The following TRIM14 variants were observed in gnomAD, a reference collection of about 807,000 sequenced individuals.
TRIM14 encodes tripartite motif-containing protein 14.
TRIM14 carries 28 observed loss-of-function variants against 44.5 expected under a neutral mutation model. That is an observed-to-expected ratio of 0.63 (90% CI 0.47 to 0.86). The LOEUF (loss-of-function observed/expected upper bound fraction) is 0.86. Ranked by LOEUF, TRIM14 falls within the 40% of genes least tolerant of loss-of-function variation. TRIM14 has a pLI of 0.00. For synonymous variants in TRIM14, 299 were observed against 269.2 expected, an observed-to-expected ratio of 1.11 and a Z score of -1.08; for missense variants, 607 against 611.1, an observed-to-expected ratio of 0.99 and a Z score of 0.07.
the TRIM14 span, among the ~76,000 whole-genome samples, chr9:98,054,207 T>G: frequency 6.6e-6 from 1 of 152,138 alleles, no homozygotes; most frequent in Non-Finnish European, 1.5e-5. Context: ...CTGCTGGACT[T>G]GCATCAGAAA....
At chr9:98,082,806 C>T (rs1379452602), downstream of TRIM14, 11 of 1,596,182 alleles carry the variant, frequency 6.9e-6, no homozygotes, top group African/African-American at 1.2e-4. Context: ...GCACTAGTTA[C>T]TTCTGTGAAG....
the TRIM14 span, among the ~76,000 whole-genome samples, chr9:98,046,591 G>A: frequency 1.4e-4 from 22 of 151,912 alleles, no homozygotes; most frequent in Non-Finnish European, 4.4e-5. Flanking sequence ...ACAGGCATGC[G>A]CCACCACACT....
chr9:98,060,973 C>T, the TRIM14 span: 1 of 1,613,934 alleles, frequency 6.2e-7, no homozygotes, highest in South Asian at 1.1e-5. Flanking sequence ...TTGGGATCTT[C>T]TTCACTGCCT....
chr9:98,049,851 C>T, the TRIM14 span, among the ~76,000 whole-genome samples: 1 of 152,288 alleles, frequency 6.6e-6, no homozygotes, highest in Admixed American at 6.5e-5. Flanking sequence ...TGGAGTCACT[C>T]TAGTTCAAAT....
At chr9:98,091,591 A>C (rs912161616) in intron 5 of TRIM14, among the ~76,000 whole-genome samples, 6 of 152,216 alleles carry the variant, frequency 3.9e-5, no homozygotes, top group Non-Finnish European at 2.9e-5. Flanking sequence ...TGTAACATAA[A>C]AAGATATATT....
the TRIM14 span, among the ~76,000 whole-genome samples, chr9:98,048,907 G>T: frequency 6.6e-6 from 1 of 151,928 alleles, no homozygotes; most frequent in Admixed American, 6.6e-5. Context: ...TGTAATTCCA[G>T]CTACCTGGGA....
chr9:98,110,008 A>G (rs557034985), intron 1 of TRIM14, 24 bp from the exon 2 acceptor site: 15 of 1,583,954 alleles, frequency 9.5e-6, no homozygotes, highest in Non-Finnish European at 1.2e-5. Context: ...AGTTAGGAAA[A>G]AAGTCGTAAT....
the TRIM14 span, among the ~76,000 whole-genome samples, chr9:98,040,838 G>A: frequency 6.6e-6 from 1 of 152,104 alleles, no homozygotes; most frequent in Admixed American, 6.6e-5. Flanking sequence ...TGTATTTTTA[G>A]TAGAGAGGGG....
At chr9:98,110,252 T>C in intron 1 of TRIM14, 1 of 422,586 alleles carries the variant, frequency 2.4e-6, no homozygotes, top group East Asian at 4.5e-5. Flanking sequence ...AAGTCTTGCC[T>C]GTGACTTGCT....
intron 1 of TRIM14, among the ~76,000 whole-genome samples, chr9:98,111,089 T>C (rs1224264048): frequency 6.6e-6 from 1 of 151,750 alleles, no homozygotes. Flanking sequence ...TGCTGCTAGC[T>C]TCTTTCCCAA....
the TRIM14 span, among the ~76,000 whole-genome samples, chr9:98,043,627 TAC>T: frequency 1.3e-5 from 2 of 150,932 alleles, no homozygotes; most frequent in Non-Finnish European, 2.9e-5. Context: ...ATAAAGGAAA[TAC>T]ACACACACAG....
chr9:98,071,311 C>T (rs1829330090), intron 6 of TRIM14, among the ~76,000 whole-genome samples: 1 of 152,206 alleles, frequency 6.6e-6, no homozygotes, highest in Admixed American at 6.6e-5. Flanking sequence ...TGCTGTGTGG[C>T]CCATACCCGG....
Position 98,109,988 on chromosome 9 carries a change from T to C in TRIM14, c.208-4A>G. 8.1e-6 allele frequency: 13 copies of C among 1,613,012 alleles called. No homozygotes were observed. The highest frequency in any genetic ancestry group is 6.8e-6 in the Non-Finnish European group (8 of 1,179,110). ...TTAAACATTCTTGGCTGAGTTTCTG[T>C]ACAGGAGGGAGTTAGGAAAAAAGTC... On this transcript the variant is annotated splice_polypyrimidine_tract_variant and splice_region_variant and intron_variant, in intron 1 of 5. Transcript: ENST00000341469.
chr9:98,108,135 G>A (rs975377528), intron 2 of TRIM14, among the ~76,000 whole-genome samples: 1 of 131,280 alleles, frequency 7.6e-6, no homozygotes, highest in Non-Finnish European at 1.6e-5. Context: ...AGTAACCCTT[G>A]GGGCAAACTA....
Position 98,077,165 on chromosome 9 carries a change from G to T in TRIM14, c.*29-7478C>A, listed in dbSNP as rs1408463197. 3.4e-5 allele frequency: 21 copies of T among 625,172 alleles called. No homozygotes were observed. In the Admixed American group the frequency reaches 6.7e-4, roughly 20 times the overall value. The allele number at this position is 625,172 out of a possible 1,614,324, so 38.7% of individuals were successfully genotyped here. ...TTAAATAGAGATAGGGTCTCGCTGT[G>T]TTGGCCAGGTTGGTCTTGAACTCCT... is the stretch of plus-strand genomic sequence containing the variant. On this transcript the variant is annotated intron_variant, in intron 6 of 6. Transcript: ENST00000375098.
chr9:98,085,032 G>C lies in TRIM14; in HGVS notation c.*2438C>G, dbSNP rs183433214. The C allele has an allele frequency of 6.6e-6, 1 of 152,296 alleles. No individual in the cohort carries two copies. Among genetic ancestry groups the C allele is most frequent in the East Asian group, 1.9e-4 (1 of 5,188 alleles). The allele number at this position is 152,296 out of a possible 1,614,324, so 9.4% of individuals were successfully genotyped here. A position where few individuals can be genotyped will look rare whatever the true frequency, so the allele number is the denominator to read the frequency against. On this transcript the variant is annotated 3_prime_UTR_variant, in exon 6 of 6. Coordinates refer to ENST00000341469, the MANE Select transcript of TRIM14 (RefSeq NM_014788.4). ...GCTATCACGGGCCTTGACACAGCTA[G>C]TTTGTGACCTTTACAGTCTAGCTCT...
At chr9:98,057,921 G>GTTT in the TRIM14 span, among the ~76,000 whole-genome samples, 316 of 87,438 alleles carry the variant, frequency 3.6e-3, 11 homozygotes, top group Admixed American at 0.033. Flanking sequence ...TTTTTTTCCT[G>GTTT]GTTTTTTTTT....
chr9:98,089,146 T>A (rs556386151), intron 5 of TRIM14, among the ~76,000 whole-genome samples: 325 of 152,304 alleles, frequency 2.1e-3, no homozygotes, highest in Middle Eastern at 3.4e-3. Flanking sequence ...TTCCCCCTTT[T>A]TCTCCTGTCT....
At chr9:98,097,157 G>A (rs1826216674) in intron 3 of TRIM14, among the ~76,000 whole-genome samples, 1 of 152,152 alleles carries the variant, frequency 6.6e-6, no homozygotes, top group Non-Finnish European at 1.5e-5. Flanking sequence ...TTGAGCCACT[G>A]CATTCTAGCC....
Sources: allele counts gnomAD v4.1 joint callset (sites outside exome capture counted in the v4.1 genomes callset), GRCh38; gene constraint gnomAD v4.1.1; transcripts MANE v1.5; gene names NCBI Gene and HGNC (gene_info 2026-07-23, HGNC 2026-07-21).